Variants in PRKAG2 observed in about 807,000 individuals in gnomAD.
The protein encoded by PRKAG2 is 5'-AMP-activated protein kinase subunit gamma-2.
In PRKAG2, 26 loss-of-function variants were observed where a neutral mutation model predicts 69.6. The ratio of observed to expected loss-of-function variants is 0.37; its 90% CI spans 0.27 to 0.52. The LOEUF is 0.52. Among genes scored for constraint, PRKAG2 ranks in the 20% least tolerant of loss-of-function variants. PRKAG2 has a pLI of 0.90. For missense variants in PRKAG2, 557 were observed against 740.0 expected (o/e 0.75, Z 2.87); for synonymous variants, 293 against 285.0 (o/e 1.03, Z -0.28).
chr7:151,823,727 T>C (rs527593602), intron 1 of PRKAG2, among the ~76,000 whole-genome samples: 1 of 152,248 alleles, frequency 6.6e-6, no homozygotes, highest in African/African-American at 2.4e-5. Context: ...TTACCAGGGC[T>C]GGGCCCAGGG....
chr7:151,820,183 C>T (rs182611365), intron 1 of PRKAG2, among the ~76,000 whole-genome samples: 76 of 152,366 alleles, frequency 5.0e-4, no homozygotes, highest in Non-Finnish European at 7.3e-5. Flanking sequence ...TCGCTATTCA[C>T]GCCGGCAGCT....
intron 4 of PRKAG2, among the ~76,000 whole-genome samples, chr7:151,658,547 T>C (rs1266185002): frequency 6.6e-6 from 1 of 151,826 alleles, no homozygotes; most frequent in Non-Finnish European, 1.5e-5. Context: ...AGTTGTTTTA[T>C]GCATTTGCCA....
Position 151,876,532 on chromosome 7 carries a change from C to A in PRKAG2, c.89G>T (p.Arg30Met), listed in dbSNP as rs1338205156. ...CGGAATGTGCACGCGCAGCGAACGC[C>A]TCTTCTGGCTGGCATTTTTCTTGCC... ...SGGKKNASQK[R>M]RSLRVHIPDL... Residue 30 changes from arginine (R) to methionine (M), a missense_variant, in exon 1 of 16, where the codon AGG (arginine) becomes ATG (methionine). By Grantham distance (91) the Arg-to-Met change is moderately conservative (BLOSUM62 -1). Coordinates refer to ENST00000287878, the MANE Select transcript of PRKAG2 (RefSeq NM_016203.4). The A allele has an allele frequency of 6.2e-7, 1 of 1,608,456 alleles. No homozygotes were observed. Among genetic ancestry groups the A allele is most frequent in the East Asian group, 2.2e-5 (1 of 44,854 alleles).
rs754843792 is a variant in PRKAG2 at position 151,675,441 on chromosome 7, T to C, written c.663A>G (p.Thr221=). ...SPTRPPLASP[T]HYAPSKAAAL... is the part of the protein sequence containing the mutation. ...TTACGGCTTTGGAGGGAGCATAGTGTGTCGGTGATGCCAGTGGAGGCCTGG... is the reference window on the plus strand; with the variant it reads ...TTACGGCTTTGGAGGGAGCATAGTGCGTCGGTGATGCCAGTGGAGGCCTGG... Residue 221 remains threonine, a synonymous_variant, in exon 4 of 16, where the codon ACA becomes ACG. Transcript: ENST00000287878. 1.9e-6 allele frequency: 3 copies of C among 1,614,022 alleles called. No homozygotes were observed. The highest frequency in any genetic ancestry group is 2.5e-6 in the Non-Finnish European group (3 of 1,179,968).
chr7:151,647,868 T>C (rs1394809187), intron 4 of PRKAG2, among the ~76,000 whole-genome samples: 2 of 152,184 alleles, frequency 1.3e-5, no homozygotes. Context: ...AAGACGTCTT[T>C]ACAATGAATG....
chr7:151,594,911 G>A lies in PRKAG2; in HGVS notation c.864+434C>T, dbSNP rs565038207. On this transcript the variant is annotated intron_variant, in intron 6 of 15. Transcript: ENST00000287878. Reference sequence around the variant, plus strand: ...CCTCCTGGGTTCAAGCGACTCTCCTGTCTCAGGGTCCTGAGTAGCTGGGAC... The same window carrying A: ...CCTCCTGGGTTCAAGCGACTCTCCTATCTCAGGGTCCTGAGTAGCTGGGAC... Among the ~76,000 whole-genome samples the A allele has an allele frequency of 4.6e-5, 7 of 152,192 alleles. No individual in the cohort carries two copies. In the South Asian group the frequency reaches 8.3e-4, roughly 18 times the overall value.
intron 1 of PRKAG2, among the ~76,000 whole-genome samples, chr7:151,840,829 T>C (rs1452896130): frequency 6.6e-6 from 1 of 152,116 alleles, no homozygotes; most frequent in African/African-American, 2.4e-5. Flanking sequence ...CAACTGTGGA[T>C]GTTGTTAGTT....
intron 1 of PRKAG2, among the ~76,000 whole-genome samples, chr7:151,874,204 T>TATGTATATGTATATG (rs1201371079): frequency 7.7e-6 from 1 of 129,188 alleles, no homozygotes; most frequent in Non-Finnish European, 1.6e-5. Context: ...ATATGATGTA[T>TATGTATATGTATATG]ATGTATATGT....
rs745416806 is a variant in PRKAG2, at chr7:151,876,561, G to A, written c.60C>T (p.Ser20=). Residue 20 remains serine (S), a synonymous_variant, in exon 1 of 16, where the codon AGC becomes AGT. Transcript: ENST00000287878. The part of the protein sequence containing the change: ...KKKDVSSPGG[S]GGKKNASQKR... ...TCTGGCTGGCATTTTTCTTGCCGCC[G>A]CTCCCGCCGGGGCTGGAAACATCTT... 5.0e-6 allele frequency: 8 copies of A among 1,610,122 alleles called. No homozygotes were observed. Among genetic ancestry groups the A allele is most frequent in the Non-Finnish European group, 6.8e-6 (8 of 1,179,966 alleles).
At chr7:151,738,602 C>T (rs1283965653) in intron 3 of PRKAG2, among the ~76,000 whole-genome samples, 2 of 152,272 alleles carry the variant, frequency 1.3e-5, no homozygotes, top group Non-Finnish European at 2.9e-5. Flanking sequence ...ATAGCATGAG[C>T]GATCTGTGCT....
At chr7:151,761,339 G>A (rs1234347856) in intron 3 of PRKAG2, among the ~76,000 whole-genome samples, 1 of 152,140 alleles carries the variant, frequency 6.6e-6, no homozygotes, top group African/African-American at 2.4e-5. Flanking sequence ...TTGTCCCGAG[G>A]TCACAAGATT....
intron 3 of PRKAG2, among the ~76,000 whole-genome samples, chr7:151,724,503 T>C (rs1240465246): frequency 3.3e-5 from 5 of 152,064 alleles, no homozygotes; most frequent in Non-Finnish European, 5.9e-5. Flanking sequence ...CAGGCCATGC[T>C]GCTCAGAGCC....
chr7:151,641,244 C>CCTTTTTTTTTTTTCTTTTTTTTT (rs1826620585), intron 4 of PRKAG2, among the ~76,000 whole-genome samples: 1 of 105,710 alleles, frequency 9.5e-6, no homozygotes, highest in East Asian at 3.5e-4. Context: ...TTCTTTTTTC[C>CCTTTTTTTTTTTTCTTTTTTTTT]TTTTTTTTTT....
chr7:151,558,629 A>G (rs1245660068), intron 15 of PRKAG2: 1 of 970,474 alleles, frequency 1.0e-6, no homozygotes, highest in Admixed American at 6.2e-5. Context: ...TTCACTTGTA[A>G]TCCAGTTATT....
At chr7:151,833,814 C>T (rs1298599505) in intron 1 of PRKAG2, among the ~76,000 whole-genome samples, 1 of 152,222 alleles carries the variant, frequency 6.6e-6, no homozygotes, top group Non-Finnish European at 1.5e-5. Flanking sequence ...TTCACAGCCT[C>T]CCCGCTGTGC....
At chr7:151,611,982 A>T (rs7776671) in intron 5 of PRKAG2, among the ~76,000 whole-genome samples, 41,640 of 151,954 alleles carry the variant, frequency 0.27, 5,798 homozygotes, top group African/African-American at 0.31. Context: ...GAGGCGGAGG[A>T]TGCAGTGAGC....
chr7:151,602,264 C>T (rs924973601), intron 5 of PRKAG2, among the ~76,000 whole-genome samples: 1 of 152,128 alleles, frequency 6.6e-6, no homozygotes, highest in Admixed American at 6.5e-5. Context: ...AATTCAAAAG[C>T]AAGAAATCAA....
At chr7:151,652,756 G>T (rs1828746011) in intron 4 of PRKAG2, among the ~76,000 whole-genome samples, 1 of 152,090 alleles carries the variant, frequency 6.6e-6, no homozygotes, top group Non-Finnish European at 1.5e-5. Context: ...CTCATGAGTG[G>T]CTGGGACTAC....
intron 1 of PRKAG2, among the ~76,000 whole-genome samples, chr7:151,849,418 G>A (rs190918241): frequency 2.6e-5 from 4 of 152,334 alleles, no homozygotes; most frequent in East Asian, 3.9e-4. Flanking sequence ...GTTTCTCCAT[G>A]TCCCTATTAG....
Sources: gnomAD v4.1 joint callset for allele counts (sites outside exome capture counted in the v4.1 genomes callset) on GRCh38, gnomAD v4.1.1 for gene constraint, MANE v1.5 for transcripts, NCBI Gene and HGNC (gene_info 2026-07-23, HGNC 2026-07-21) for gene names.